Variants in SLIT2 observed in about 807,000 individuals in gnomAD.
The protein encoded by SLIT2 is slit homolog 2 protein.
In SLIT2, 41 loss-of-function variants were observed where a neutral mutation model predicts 185.7. The observed-to-expected ratio is 0.22, with a 90% CI of 0.17 to 0.29. The LOEUF (loss-of-function observed/expected upper bound fraction) is 0.29. SLIT2 is among the 10% of genes least tolerant of loss of function. SLIT2 has a pLI of 1.00. For missense variants in SLIT2, 1,571 were observed against 1,909.0 expected (o/e 0.82, Z 3.30); for synonymous variants, 693 against 680.2 (o/e 1.02, Z -0.29).
At chr4:20,340,307 C>T (rs1208969113) in intron 4 of SLIT2, among the ~76,000 whole-genome samples, 1 of 152,060 alleles carries the variant, frequency 6.6e-6, no homozygotes, top group Non-Finnish European at 1.5e-5. Flanking sequence ...ATTCTTCTAA[C>T]CCTTGGGAAG....
chr4:20,369,587 C>T (rs557557319), intron 4 of SLIT2, among the ~76,000 whole-genome samples: 11 of 152,190 alleles, frequency 7.2e-5, no homozygotes, highest in African/African-American at 2.2e-4. Context: ...GGATTGTCCA[C>T]TCTTTGTTTG....
At chr4:20,592,737 T>C (rs1271951611) in intron 30 of SLIT2, among the ~76,000 whole-genome samples, 4 of 152,174 alleles carry the variant, frequency 2.6e-5, no homozygotes, top group African/African-American at 7.2e-5. Flanking sequence ...TTAACATTGA[T>C]GGAAGTTCTC....
rs1422782224 is a variant in SLIT2, at chr4:20,254,584, T to TAG, written c.179+591_179+592dup. Among the ~76,000 whole-genome samples the TAG allele has an allele frequency of 6.6e-6, 1 of 152,042 alleles. No individual in the cohort carries two copies. Among genetic ancestry groups the TAG allele is most frequent in the Non-Finnish European group, 1.5e-5 (1 of 68,008 alleles). On this transcript the variant is annotated intron_variant, in intron 1 of 36. Transcript: ENST00000504154. This position sits in a 1 kb window ranked among gnomAD's most constrained non-coding sequence, Gnocchi z 5.1. The stretch of plus-strand genomic sequence containing the variant: ...TGCCCCAGGACGGCGACACCTCGCA[T>TAG]AGTAGCCTCGCGCAGCCCCCCGCCC...
At chr4:20,383,366 C>T (rs1724682889) in intron 4 of SLIT2, among the ~76,000 whole-genome samples, 1 of 152,094 alleles carries the variant, frequency 6.6e-6, no homozygotes, top group Admixed American at 6.6e-5. Context: ...AGAACTCTTT[C>T]AACTCAATGA....
intron 21 of SLIT2, among the ~76,000 whole-genome samples, chr4:20,543,558 A>T (rs1302828308): frequency 1.3e-5 from 2 of 152,216 alleles, no homozygotes; most frequent in African/African-American, 2.4e-5. Flanking sequence ...GCAGATGTGT[A>T]TCAGTTATTT....
At chr4:20,400,935 G>A (rs866444503) in intron 4 of SLIT2, among the ~76,000 whole-genome samples, 1 of 151,830 alleles carries the variant, frequency 6.6e-6, no homozygotes, top group Non-Finnish European at 1.5e-5. Context: ...TGAACTCTGA[G>A]ATTTTTCCAT....
At chr4:20,428,716 C>G (rs771689223) in intron 4 of SLIT2, among the ~76,000 whole-genome samples, 1 of 152,160 alleles carries the variant, frequency 6.6e-6, no homozygotes, top group Non-Finnish European at 1.5e-5. Flanking sequence ...GGTTCCTGGC[C>G]TGACTTCTGT....
chr4:20,506,352 C>T (rs905322504), intron 9 of SLIT2, among the ~76,000 whole-genome samples: 3 of 151,856 alleles, frequency 2.0e-5, no homozygotes, highest in Non-Finnish European at 2.9e-5. Context: ...TATATCTTAG[C>T]GATTATACTA....
intron 4 of SLIT2, among the ~76,000 whole-genome samples, chr4:20,410,945 G>C (rs553899428): frequency 2.0e-5 from 3 of 152,030 alleles, no homozygotes; most frequent in Non-Finnish European, 4.4e-5. Context: ...TTCTAATTCT[G>C]TAAAGAATGT....
intron 4 of SLIT2, among the ~76,000 whole-genome samples, chr4:20,295,957 A>G (rs12233914): frequency 0.3 from 44,891 of 152,158 alleles, 7,353 homozygotes; most frequent in East Asian, 0.68. Context: ...TTTGCACTTT[A>G]TCTGTATGAT....
At chr4:20,477,155 TA>T (rs11362908) in intron 5 of SLIT2, among the ~76,000 whole-genome samples, 44,038 of 138,844 alleles carry the variant, frequency 0.32, 7,208 homozygotes, top group East Asian at 0.48. Context: ...CCTCCTACCA[TA>T]AAAAAAAAAA....
intron 5 of SLIT2, among the ~76,000 whole-genome samples, chr4:20,478,010 A>G (rs946802124): frequency 2.0e-5 from 3 of 152,196 alleles, no homozygotes; most frequent in South Asian, 4.1e-4. Flanking sequence ...GAGTGCAGCT[A>G]AGTAGTCCAG....
intron 4 of SLIT2, among the ~76,000 whole-genome samples, chr4:20,460,169 A>T (rs2148728108): frequency 6.6e-6 from 1 of 151,566 alleles, no homozygotes; most frequent in East Asian, 1.9e-4. Flanking sequence ...GGCCATAAAT[A>T]TTTTTTCTTT....
intron 32 of SLIT2, among the ~76,000 whole-genome samples, chr4:20,597,280 A>T (rs1728061608): frequency 6.6e-6 from 1 of 151,866 alleles, no homozygotes; most frequent in Non-Finnish European, 1.5e-5. Context: ...GTTGGCCAGG[A>T]TGGTCTCGAA....
At chr4:20,403,707 T>C (rs929319009) in intron 4 of SLIT2, among the ~76,000 whole-genome samples, 3 of 151,932 alleles carry the variant, frequency 2.0e-5, no homozygotes, top group Non-Finnish European at 4.4e-5. Flanking sequence ...TCGACTGTGT[T>C]TTTGATACAA....
intron 4 of SLIT2, among the ~76,000 whole-genome samples, chr4:20,450,011 C>A (rs1266085474): frequency 6.6e-6 from 1 of 151,932 alleles, no homozygotes; most frequent in Non-Finnish European, 1.5e-5. Flanking sequence ...TCTAACTTGG[C>A]AAGAGTATAG....
intron 4 of SLIT2, among the ~76,000 whole-genome samples, chr4:20,364,860 T>C (rs892300266): frequency 2.2e-4 from 33 of 152,284 alleles, no homozygotes; most frequent in Non-Finnish European, 4.4e-5. Flanking sequence ...TACATACTAA[T>C]GTATAGAAGA....
chr4:20,613,177 A>G (rs1275096926), intron 34 of SLIT2, among the ~76,000 whole-genome samples: 1 of 152,202 alleles, frequency 6.6e-6, no homozygotes, highest in Non-Finnish European at 1.5e-5. Flanking sequence ...AATCTCAATC[A>G]TTCTATCATA....
chr4:20,482,207 G>A (rs1177215808), intron 6 of SLIT2, among the ~76,000 whole-genome samples: 1 of 151,902 alleles, frequency 6.6e-6, no homozygotes. Flanking sequence ...AGCCAAAAAT[G>A]TATTATTAAA....
Sources: allele counts gnomAD v4.1 joint callset (sites outside exome capture counted in the v4.1 genomes callset), GRCh38; gene constraint gnomAD v4.1.1; non-coding constraint Gnocchi (gnomAD v3.1); transcripts MANE v1.5; gene names NCBI Gene and HGNC (gene_info 2026-07-23, HGNC 2026-07-21).